The following XIRP2 variants were observed in gnomAD, a reference collection of about 807,000 sequenced individuals.
The protein encoded by XIRP2 is xin actin binding repeat containing 2.
In XIRP2, 236 loss-of-function variants were observed where a neutral mutation model predicts 277.0. The observed-to-expected ratio is 0.85, with a 90% CI of 0.77 to 0.95. The LOEUF (loss-of-function observed/expected upper bound fraction) is 0.95, where lower values mean the gene tolerates loss of function less well. Ranked by LOEUF, XIRP2 falls within the 40% of genes least tolerant of loss-of-function variation. The pLI, the probability that XIRP2 is intolerant of heterozygous loss-of-function variation, is 0.00. For synonymous variants in XIRP2, 1,490 were observed against 1,416.5 expected (o/e 1.05, Z -1.17); for missense variants, 4,640 against 4,157.5 (o/e 1.12, Z -3.19).
chr2:167,201,335 A>AGGAT (rs1693710486), intron 3 of XIRP2, among the ~76,000 whole-genome samples: 1 of 151,272 alleles, frequency 6.6e-6, no homozygotes, highest in Non-Finnish European at 1.5e-5. Context: ...GAAGGAAGGA[A>AGGAT]GGAAGGAAAG....
chr2:167,097,228 C>T (rs1265051061), intron 2 of XIRP2, among the ~76,000 whole-genome samples: 2 of 152,110 alleles, frequency 1.3e-5, no homozygotes, highest in Non-Finnish European at 2.9e-5. Context: ...CTGGGTGCTC[C>T]TGTATTAGGT....
At chr2:166,983,543 T>G (rs1169842218) in intron 2 of XIRP2, among the ~76,000 whole-genome samples, 4 of 152,238 alleles carry the variant, frequency 2.6e-5, no homozygotes, top group Non-Finnish European at 4.4e-5. Flanking sequence ...TTCTGTTTTC[T>G]TCTTCTGAAA....
Position 167,248,862 on chromosome 2 carries a change from A to G in XIRP2, c.7470A>G (p.Lys2490=), listed in dbSNP as rs769225592. The stretch of plus-strand genomic sequence containing the variant: ...TTAGTAAGAGTCTTGATGAAAGAAA[A>G]CAATTATCTATTGACTCTGCAAACT... ...NVISKSLDER[K]QLSIDSANCL... is the part of the protein sequence containing the mutation. The change falls in exon 9 of 11, where the codon AAA becomes AAG. Residue 2490 remains lysine, a synonymous_variant. Transcript: ENST00000409195. 5.0e-6 allele frequency: 8 copies of G among 1,613,442 alleles called. No individual in the cohort carries two copies. In the South Asian group the frequency reaches 7.7e-5, roughly 16 times the overall value.
At chr2:166,955,142 A>G (rs1317656536) in intron 2 of XIRP2, among the ~76,000 whole-genome samples, 1 of 151,904 alleles carries the variant, frequency 6.6e-6, no homozygotes, top group African/African-American at 2.4e-5. Context: ...TTCATAAGAG[A>G]CAAAAATGGG....
At chr2:166,896,285 G>A (rs1052976442) in intron 1 of XIRP2, among the ~76,000 whole-genome samples, 1 of 152,114 alleles carries the variant, frequency 6.6e-6, no homozygotes, top group Admixed American at 6.6e-5. Flanking sequence ...AACAGCCTCA[G>A]ACAGGGTCTT....
At chr2:167,091,087 G>C (rs1042644832) in intron 2 of XIRP2, among the ~76,000 whole-genome samples, 15 of 152,246 alleles carry the variant, frequency 9.9e-5, no homozygotes, top group African/African-American at 3.4e-4. Context: ...GAAGTTAACT[G>C]TCAGTCTTCT....
At chr2:167,171,571 A>G (rs956000589) in intron 3 of XIRP2, among the ~76,000 whole-genome samples, 2 of 152,200 alleles carry the variant, frequency 1.3e-5, no homozygotes. Context: ...ATGTCAACTA[A>G]GTCAAACAGA....
At chr2:167,112,778 A>C (rs1690797083) in intron 2 of XIRP2, among the ~76,000 whole-genome samples, 1 of 151,962 alleles carries the variant, frequency 6.6e-6, no homozygotes, top group South Asian at 2.1e-4. Context: ...CAGCCTCCTG[A>C]GTAGCTGGGA....
At chr2:167,209,072 A>T (rs1434625246) in intron 3 of XIRP2, among the ~76,000 whole-genome samples, 1 of 152,196 alleles carries the variant, frequency 6.6e-6, no homozygotes, top group Admixed American at 6.5e-5. Context: ...GTTTTGGATG[A>T]CAGGTGAATT....
intron 2 of XIRP2, among the ~76,000 whole-genome samples, chr2:167,082,143 T>A (rs1379394860): frequency 7.0e-6 from 1 of 143,832 alleles, no homozygotes; most frequent in Non-Finnish European, 1.5e-5. Context: ...CCCCTTCCTG[T>A]GTCCATGTGA....
At chr2:167,215,574 C>T (rs868578213) in intron 4 of XIRP2, among the ~76,000 whole-genome samples, 1 of 152,130 alleles carries the variant, frequency 6.6e-6, no homozygotes, top group Non-Finnish European at 1.5e-5. Context: ...CCCCCAAAGT[C>T]CCCAGTCCAT....
chr2:166,984,356 T>C lies in XIRP2; in HGVS notation c.408+80466T>C, dbSNP rs1160740921. ...AGAAGACACAGTAGCCTAAAATAACTTCAATCAGTACTAGTTTTGGAGGCT... is the reference window on the plus strand; with the variant it reads ...AGAAGACACAGTAGCCTAAAATAACCTCAATCAGTACTAGTTTTGGAGGCT... On this transcript the variant is annotated intron_variant, in intron 2 of 10. Transcript: ENST00000409195. Among the ~76,000 whole-genome samples the C allele has an allele frequency of 2.0e-5, 3 of 152,288 alleles. No individual in the cohort carries two copies. In the East Asian group the frequency reaches 5.8e-4, roughly 29 times the overall value.
intron 3 of XIRP2, among the ~76,000 whole-genome samples, chr2:167,158,957 A>ACTACCTCTG (rs1221370796): frequency 6.6e-6 from 1 of 152,186 alleles, no homozygotes; most frequent in African/African-American, 2.4e-5. Flanking sequence ...AGAAGCAGAC[A>ACTACCTCTG]CTACCTCTGG....
chr2:167,181,028 A>G (rs1027207197), intron 3 of XIRP2, among the ~76,000 whole-genome samples: 5 of 152,234 alleles, frequency 3.3e-5, no homozygotes, highest in Admixed American at 6.5e-5. Flanking sequence ...TTCCTTTTGT[A>G]TGGTACAAAC....
chr2:167,179,640 TA>T (rs1234039930), intron 3 of XIRP2, among the ~76,000 whole-genome samples: 7 of 134,846 alleles, frequency 5.2e-5, no homozygotes, highest in African/African-American at 2.3e-4. Context: ...CTTTATCTGA[TA>T]ATTTTTTTTT....
At chr2:166,911,465 G>C (rs2105346426) in intron 2 of XIRP2, among the ~76,000 whole-genome samples, 1 of 152,262 alleles carries the variant, frequency 6.6e-6, no homozygotes, top group East Asian at 1.9e-4. Context: ...TTGCTTGGTA[G>C]ATCTTCCTTC....
chr2:167,107,451 A>C (rs1241852302), intron 2 of XIRP2, among the ~76,000 whole-genome samples: 3 of 151,830 alleles, frequency 2.0e-5, no homozygotes, highest in Non-Finnish European at 4.4e-5. Flanking sequence ...GCAGCAAATC[A>C]TATGATCCTA....
chr2:167,137,496 GC>G (rs1473892116), intron 3 of XIRP2, among the ~76,000 whole-genome samples: 1 of 151,946 alleles, frequency 6.6e-6, no homozygotes, highest in Non-Finnish European at 1.5e-5. Flanking sequence ...GCATAGGGAG[GC>G]AAAAATGAGT....
intron 2 of XIRP2, among the ~76,000 whole-genome samples, chr2:167,072,446 C>A (rs776665215): frequency 1.3e-5 from 2 of 152,182 alleles, no homozygotes; most frequent in African/African-American, 4.8e-5. Context: ...GCCTTCTCCA[C>A]TCTATATACT....
Sources: allele counts gnomAD v4.1 joint callset (sites outside exome capture counted in the v4.1 genomes callset), GRCh38; gene constraint gnomAD v4.1.1; transcripts MANE v1.5; gene names NCBI Gene and HGNC (gene_info 2026-07-23, HGNC 2026-07-21).